SHROOM4: variants seen among roughly 807,000 people sequenced by gnomAD.
SHROOM4 encodes the protein shroom family member 4.
Under a neutral mutation model 80.3 loss-of-function variants are expected in SHROOM4, and 17 were observed. The ratio of observed to expected loss-of-function variants is 0.21; its 90% CI spans 0.14 to 0.32. The LOEUF (loss-of-function observed/expected upper bound fraction) is 0.32. Among genes scored for constraint, SHROOM4 ranks in the 10% least tolerant of loss-of-function variants. SHROOM4 has a pLI of 1.00. For synonymous variants in SHROOM4, 400 were observed against 437.5 expected, an observed-to-expected ratio of 0.91 and a Z score of 1.07; for missense variants, 993 against 1,140.3, an observed-to-expected ratio of 0.87 and a Z score of 1.86.
At chrX:50,721,186 C>T (rs1934101578) in intron 1 of SHROOM4, among the ~76,000 whole-genome samples, 1 of 111,840 alleles carries the variant, frequency 8.9e-6, no homozygotes, top group Non-Finnish European at 1.9e-5. Flanking sequence ...GACTCCAGAA[C>T]AGTTGTTACC....
chrX:50,778,127 C>T (rs149042935), intron 1 of SHROOM4, among the ~76,000 whole-genome samples: 269 of 111,987 alleles, frequency 2.4e-3, no homozygotes, highest in African/African-American at 8.0e-3. Flanking sequence ...ATCCACCCTC[C>T]ACAATGTATC....
At chrX:50,612,721 G>A (rs1001731194) in intron 5 of SHROOM4, among the ~76,000 whole-genome samples, 12 of 111,709 alleles carry the variant, frequency 1.1e-4, no homozygotes, top group African/African-American at 3.6e-4. Flanking sequence ...GACTGGTTCA[G>A]TAATAGAAAA....
chrX:50,808,357 T>C (rs782791917), intron 1 of SHROOM4, among the ~76,000 whole-genome samples: 2 of 111,952 alleles, frequency 1.8e-5, no homozygotes, highest in Non-Finnish European at 3.8e-5. Flanking sequence ...CCCCTGTGAC[T>C]ACTGTAGAAC....
chrX:50,724,766 C>A (rs1934208719), intron 1 of SHROOM4, among the ~76,000 whole-genome samples: 1 of 112,670 alleles, frequency 8.9e-6, no homozygotes, highest in South Asian at 3.6e-4. Flanking sequence ...CAGGCATGAG[C>A]CACCGTGCCC....
chrX:50,586,531 A>G (rs1928763075), downstream of SHROOM4, among the ~76,000 whole-genome samples: 1 of 111,982 alleles, frequency 8.9e-6, no homozygotes, highest in South Asian at 3.7e-4. Flanking sequence ...TAAGCAGTTT[A>G]CAAACAGAAT....
At chrX:50,648,020 G>A (rs1931902869) in intron 2 of SHROOM4, among the ~76,000 whole-genome samples, 1 of 112,106 alleles carries the variant, frequency 8.9e-6, no homozygotes, top group African/African-American at 3.2e-5. Flanking sequence ...ATGGGAAGCT[G>A]TTAGAGGTTG....
At chrX:50,651,693 A>G (rs1932071405) in intron 2 of SHROOM4, among the ~76,000 whole-genome samples, 1 of 111,627 alleles carries the variant, frequency 9.0e-6, no homozygotes, top group African/African-American at 3.3e-5. Flanking sequence ...TCAACCCATC[A>G]TCTACATTAG....
chrX:50,623,632 A>C (rs1557252390), intron 5 of SHROOM4, among the ~76,000 whole-genome samples: 1 of 112,139 alleles, frequency 8.9e-6, no homozygotes, highest in Non-Finnish European at 1.9e-5. Context: ...AAAAAGTTAA[A>C]CAATAAAATT....
chrX:50,615,331 T>G (rs1346714221), intron 5 of SHROOM4, among the ~76,000 whole-genome samples: 3 of 111,343 alleles, frequency 2.7e-5, no homozygotes, highest in African/African-American at 6.5e-5. Context: ...TTACATGCTG[T>G]TTGCTCTTTA....
chrX:50,582,472 C>G (rs1928684343), downstream of SHROOM4, among the ~76,000 whole-genome samples: 1 of 112,242 alleles, frequency 8.9e-6, no homozygotes, highest in African/African-American at 3.2e-5. Context: ...ATATGACACT[C>G]CCTCTACCCG....
chrX:50,709,213 C>A (rs1933751420), intron 1 of SHROOM4, among the ~76,000 whole-genome samples: 1 of 111,676 alleles, frequency 9.0e-6, no homozygotes, highest in Admixed American at 9.5e-5. Context: ...CATTTAGATT[C>A]TCCCCAACTT....
At chrX:50,688,635 T>A in intron 2 of SHROOM4, among the ~76,000 whole-genome samples, 1 of 110,785 alleles carries the variant, frequency 9.0e-6, no homozygotes, top group Non-Finnish European at 1.9e-5. Flanking sequence ...CAAAATTGAG[T>A]TGTGGCAGAC....
chrX:50,761,579 T>C (rs925075882), intron 1 of SHROOM4, among the ~76,000 whole-genome samples: 1 of 111,907 alleles, frequency 8.9e-6, no homozygotes, highest in Non-Finnish European at 1.9e-5. Context: ...TTCTTTTTTT[T>C]TGAGACGGAG....
At chrX:50,747,150 C>G (rs1934789310) in intron 1 of SHROOM4, among the ~76,000 whole-genome samples, 1 of 111,589 alleles carries the variant, frequency 9.0e-6, no homozygotes, top group Admixed American at 9.5e-5. Flanking sequence ...CTTAGGTTAC[C>G]CTCTATCCAC....
intron 2 of SHROOM4, among the ~76,000 whole-genome samples, chrX:50,640,267 T>A (rs1931539622): frequency 9.0e-6 from 1 of 111,573 alleles, no homozygotes; most frequent in Non-Finnish European, 1.9e-5. Flanking sequence ...TTAGGGTTCT[T>A]GAGTTCTGGG....
chrX:50,699,290 A>T (rs1403135710), intron 1 of SHROOM4, among the ~76,000 whole-genome samples: 1 of 112,118 alleles, frequency 8.9e-6, no homozygotes, highest in Non-Finnish European at 1.9e-5. Flanking sequence ...CTGGAAAGCT[A>T]GGAAGAGCTG....
At chrX:50,632,201 T>C (rs189870778) in intron 4 of SHROOM4, among the ~76,000 whole-genome samples, 222 of 112,375 alleles carry the variant, frequency 2.0e-3, no homozygotes, top group African/African-American at 6.9e-3. Context: ...CCCCATAGAA[T>C]AGCTGTTTTA....
At chrX:50,718,245 T>A (rs1934016936) in intron 1 of SHROOM4, among the ~76,000 whole-genome samples, 1 of 112,183 alleles carries the variant, frequency 8.9e-6, no homozygotes, top group South Asian at 3.8e-4. Flanking sequence ...TGCTGATATC[T>A]GTGTGGAAAA....
At chrX:50,742,569 T>C (rs1326503419) in intron 1 of SHROOM4, among the ~76,000 whole-genome samples, 1 of 105,552 alleles carries the variant, frequency 9.5e-6, no homozygotes, top group African/African-American at 3.5e-5. Context: ...TGGTCAGGTA[T>C]TTTGTAGAAT....
Sources: gnomAD v4.1 joint callset for allele counts (sites outside exome capture counted in the v4.1 genomes callset) on GRCh38, gnomAD v4.1.1 for gene constraint, MANE v1.5 for transcripts, NCBI Gene and HGNC (gene_info 2026-07-23, HGNC 2026-07-21) for gene names.